The following BABAM2 variants were observed in gnomAD, a reference collection of about 807,000 sequenced individuals.
BABAM2 encodes the protein BRISC and BRCA1-A complex member 2.
A neutral mutation model predicts 54.7 loss-of-function variants in BABAM2; 31 were observed. The ratio of observed to expected loss-of-function variants is 0.57; its 90% CI spans 0.43 to 0.77. BABAM2 has a LOEUF of 0.77. BABAM2 is among the 30% of genes least tolerant of loss of function. The pLI is 0.00. For missense variants in BABAM2, 364 were observed against 455.8 expected, an observed-to-expected ratio of 0.80 and a Z score of 1.83; for synonymous variants, 167 against 162.9, an observed-to-expected ratio of 1.03 and a Z score of -0.19.
rs532710496 is a variant in BABAM2 at position 28,063,717 on chromosome 2, C to T, written c.570+17918C>T. ...GTTTGAGAAACTATTTTGGCTCCAGCTCCTATAACCAGCTCTTCTTTGGAA... is the reference window on the plus strand; with the variant it reads ...GTTTGAGAAACTATTTTGGCTCCAGTTCCTATAACCAGCTCTTCTTTGGAA... On this transcript the variant is annotated intron_variant, in intron 6 of 11. Transcript: ENST00000379624. 4.6e-5 allele frequency among the ~76,000 whole-genome samples: 7 copies of T among 152,332 alleles called. No individual in the cohort carries two copies. In the South Asian group the frequency reaches 8.3e-4, roughly 18 times the overall value.
intron 10 of BABAM2, among the ~76,000 whole-genome samples, chr2:28,288,856 C>T (rs1438922945): frequency 6.6e-6 from 1 of 152,048 alleles, no homozygotes; most frequent in Non-Finnish European, 1.5e-5. Flanking sequence ...TTAGCATGCT[C>T]AACTGAAGTT....
At chr2:28,160,855 GGAA>G (rs896994176) in intron 7 of BABAM2, among the ~76,000 whole-genome samples, 3 of 151,556 alleles carry the variant, frequency 2.0e-5, no homozygotes, top group African/African-American at 7.3e-5. Context: ...GGGAGAGTGT[GGAA>G]AGTACAGAAA....
At chr2:28,332,826 G>A (rs1691080951) in intron 11 of BABAM2, among the ~76,000 whole-genome samples, 4 of 152,194 alleles carry the variant, frequency 2.6e-5, no homozygotes, top group Admixed American at 2.6e-4. Flanking sequence ...ATGCCACAAG[G>A]ATGCCATGAG....
At chr2:28,094,333 T>C (rs377741379) in intron 6 of BABAM2, among the ~76,000 whole-genome samples, 8 of 152,314 alleles carry the variant, frequency 5.3e-5, no homozygotes, top group East Asian at 3.9e-4. Flanking sequence ...TACATCTTTA[T>C]TGGATTTTAA....
At chr2:28,254,718 T>C (rs985555145) in intron 10 of BABAM2, among the ~76,000 whole-genome samples, 2 of 149,786 alleles carry the variant, frequency 1.3e-5, no homozygotes, top group African/African-American at 2.4e-5. Flanking sequence ...CAGATAAGGA[T>C]TTTTTTTCAA....
chr2:28,308,962 TATC>T (rs1178784926), intron 11 of BABAM2: 2 of 152,454 alleles, frequency 1.3e-5, no homozygotes, highest in African/African-American at 2.4e-5. Context: ...ATTTTAAAAA[TATC>T]ATAAGTTAAC....
chr2:28,318,216 C>CGG (rs1296107249), intron 11 of BABAM2, among the ~76,000 whole-genome samples: 1 of 152,206 alleles, frequency 6.6e-6, no homozygotes, highest in African/African-American at 2.4e-5. Flanking sequence ...AAGGAGCGAC[C>CGG]TCATCTCTTC....
chr2:28,335,536 C>G (rs1404241053), intron 11 of BABAM2, among the ~76,000 whole-genome samples: 2 of 152,198 alleles, frequency 1.3e-5, no homozygotes, highest in Admixed American at 6.5e-5. Context: ...TCGTGGTCAT[C>G]ATTAGTTACA....
chr2:27,953,013 T>TC (rs1188516369), intron 3 of BABAM2, among the ~76,000 whole-genome samples: 1 of 152,100 alleles, frequency 6.6e-6, no homozygotes, highest in Non-Finnish European at 1.5e-5. Flanking sequence ...GGCTCTACCC[T>TC]TCACACTTCT....
rs1665137120 is a variant in BABAM2 at position 27,894,605 on chromosome 2, T to G, written c.49T>G (p.Phe17Val). Reference protein sequence around the residue: ...LNRISPMLSPFISSVVRNGKV... With the variant: ...LNRISPMLSPVISSVVRNGKV... ...CCGAATATCTCCAATGCTCTCCCCT[T>G]TCATATCTAGCGTGGTCCGGAATGG... Residue 17 changes from phenylalanine (F) to valine (V), a missense_variant, in exon 2 of 12, where the codon TTC (phenylalanine) becomes GTC (valine). Coordinates refer to ENST00000379624, the MANE Select transcript of BABAM2 (RefSeq NM_199191.3). The G allele has an allele frequency of 2.5e-6, 4 of 1,613,904 alleles. No homozygotes were observed. Among genetic ancestry groups the G allele is most frequent in the Non-Finnish European group, 3.4e-6 (4 of 1,179,882 alleles).
chr2:28,112,090 T>TTTCC (rs1668079795), intron 6 of BABAM2, among the ~76,000 whole-genome samples: 1 of 5,940 alleles, frequency 1.7e-4, no homozygotes, highest in Non-Finnish European at 3.8e-4. Flanking sequence ...TTACTCTTTC[T>TTTCC]TTCTTTCTTT....
chr2:27,890,394 C>G (rs540639332), upstream of BABAM2: 271 of 1,553,468 alleles, frequency 1.7e-4, 1 homozygote, highest in South Asian at 2.9e-3. This position sits in a 1 kb window ranked among gnomAD's most constrained non-coding sequence, Gnocchi z 4.8. Flanking sequence ...CTGCCCTTTG[C>G]CCGACCCCGT....
intron 2 of BABAM2, among the ~76,000 whole-genome samples, chr2:27,912,559 T>C (rs1666680481): frequency 6.6e-6 from 1 of 152,048 alleles, no homozygotes; most frequent in Non-Finnish European, 1.5e-5. Context: ...AAATGGAAGA[T>C]TGGAATTATA....
chr2:28,224,851 C>CAAAA (rs754146418), intron 7 of BABAM2, among the ~76,000 whole-genome samples: 21 of 83,910 alleles, frequency 2.5e-4, no homozygotes, highest in African/African-American at 8.2e-4. Flanking sequence ...GGTAAATTGA[C>CAAAA]AAAAAAAAAA....
At chr2:28,323,886 A>C (rs1657025824) in intron 11 of BABAM2, among the ~76,000 whole-genome samples, 1 of 152,186 alleles carries the variant, frequency 6.6e-6, no homozygotes, top group South Asian at 2.1e-4. Flanking sequence ...CCAGACACTC[A>C]GAGTAGCCTG....
intron 3 of BABAM2, among the ~76,000 whole-genome samples, chr2:27,939,971 G>A (rs1668754938): frequency 6.6e-6 from 1 of 152,162 alleles, no homozygotes; most frequent in Admixed American, 6.5e-5. Context: ...GTCTTTTACT[G>A]TGAAGAGACA....
Position 28,050,750 on chromosome 2 carries a change from T to G in BABAM2, c.570+4951T>G, listed in dbSNP as rs73922205. Among the ~76,000 whole-genome samples the G allele has an allele frequency of 1.7e-3, 252 of 152,318 alleles. 1 individual carries two copies. Among genetic ancestry groups the G allele is most frequent in the African/African-American group, 5.7e-3 (239 of 41,566 alleles). ...TAAAATTGTTATGGATTGGAATGAT[T>G]AGGTCATAAAATCTTTATGACCAAG... On this transcript the variant is annotated intron_variant, in intron 6 of 11. Transcript: ENST00000379624.
intron 10 of BABAM2, among the ~76,000 whole-genome samples, chr2:28,282,049 G>C (rs1686405636): frequency 6.6e-6 from 1 of 152,124 alleles, no homozygotes. Flanking sequence ...GGGAGTGAGG[G>C]CATGTTAAGC....
At chr2:28,037,470 T>C (rs151317955) in intron 5 of BABAM2, among the ~76,000 whole-genome samples, 1 of 152,310 alleles carries the variant, frequency 6.6e-6, no homozygotes, top group East Asian at 1.9e-4. Context: ...TATTATTGGA[T>C]ATTGTTTGCT....
Sources: gnomAD v4.1 joint callset for allele counts (sites outside exome capture counted in the v4.1 genomes callset) on GRCh38, gnomAD v4.1.1 for gene constraint, Gnocchi (gnomAD v3.1) non-coding constraint, MANE v1.5 for transcripts, NCBI Gene and HGNC (gene_info 2026-07-23, HGNC 2026-07-21) for gene names.